KDM5A: variants seen among roughly 807,000 people sequenced by gnomAD.
The protein encoded by KDM5A is lysine demethylase 5A.
A neutral mutation model predicts 193.5 loss-of-function variants in KDM5A; 42 were observed. The ratio of observed to expected loss-of-function variants is 0.22; its 90% confidence interval spans 0.17 to 0.28. KDM5A has a LOEUF of 0.28. Ranked by LOEUF, KDM5A falls within the 10% of genes least tolerant of loss-of-function variation. The pLI, the probability that KDM5A is intolerant of heterozygous loss-of-function variation, is 1.00. For missense variants in KDM5A, 1,692 were observed against 2,055.1 expected (o/e 0.82, Z 3.42); for synonymous variants, 796 against 718.1 (o/e 1.11, Z -1.73).
At position 323,210 on chromosome 12, in the gene KDM5A, C is replaced by CAAAAAAAAAA. The variant is rs60377454; in HGVS notation, c.2151-14_2151-5dup. 2.8e-3 allele frequency: 817 copies of CAAAAAAAAAA among 297,026 alleles called. 50 individuals are homozygous for CAAAAAAAAAA. The highest frequency in any genetic ancestry group is 3.9e-3 in the East Asian group (47 of 12,190). The allele number at this position is 297,026 out of a possible 1,614,324, so 18.4% of individuals were successfully genotyped here. On this transcript the variant is annotated splice_region_variant and splice_polypyrimidine_tract_variant and intron_variant, in intron 15 of 27. Transcript: ENST00000399788. Reference sequence around the variant, plus strand: ...GTCTTCTAATGGGTAGCGATATCTACAAAAAAAAAAAAAAAAAAAAAAAAA... The same window carrying CAAAAAAAAAA: ...GTCTTCTAATGGGTAGCGATATCTACAAAAAAAAAAAAAAAAAAAAAAAAAAAAAAAAAAA...
At chr12:346,129 CT>C (rs758313114) in intron 10 of KDM5A, among the ~76,000 whole-genome samples, 2 of 152,144 alleles carry the variant, frequency 1.3e-5, no homozygotes, top group Non-Finnish European at 2.9e-5. Context: ...TCAGAGAATA[CT>C]ATAAACACCT....
In KDM5A at chr12:307,790, T is replaced by C. The variant is rs780989204; in HGVS notation, c.3594A>G (p.Lys1198=). 4 of 1,614,234 alleles carry C rather than the reference T, an allele frequency of 2.5e-6. No homozygotes were observed. The East Asian group carries it at 6.7e-5, about 27-fold the overall frequency. The change falls in exon 23 of 28, where the codon AAA becomes AAG. Residue 1198 remains lysine, a synonymous_variant. Transcript: ENST00000399788. The surrounding 1 kb of genome is among the most constrained non-coding windows in gnomAD (Gnocchi z 4.3). Reference sequence around the variant, plus strand: ...CTTTAGCTTGCCAGCTGGATCCTTTTTTTTGGGAACTTGATTTAGGAAGAG... The same window carrying C: ...CTTTAGCTTGCCAGCTGGATCCTTTCTTTTGGGAACTTGATTTAGGAAGAG... ...CVPLPKSSSQ[K]KGSSWQAKEV... is the part of the protein sequence containing the mutation.
chr12:356,393 C>A (rs1474908654), intron 6 of KDM5A, 39 bp downstream of exon 6: 1 of 1,210,378 alleles, frequency 8.3e-7, no homozygotes, highest in Non-Finnish European at 1.2e-6. Context: ...CAATCATATT[C>A]TACCTTATCT....
chr12:325,907 G>A (rs1449707534), intron 14 of KDM5A, among the ~76,000 whole-genome samples: 5 of 152,072 alleles, frequency 3.3e-5, no homozygotes, highest in African/African-American at 7.2e-5. Flanking sequence ...CCAGCTACCC[G>A]GGAGGCTAAG....
chr12:321,025 C>A lies in KDM5A; in HGVS notation c.2511G>T (p.Pro837=), dbSNP rs374040711. ...CTTGCCGAGCTTGGCTGATGACACA[C>A]GGAAGACTAAAAAGTTGTTGGACAA... ...KAFVQQLFSL[P]CVISQARQVK... Residue 837 remains proline, a synonymous_variant, in exon 18 of 28, where the codon CCG becomes CCT. Transcript: ENST00000399788. 3.7e-6 allele frequency: 6 copies of A among 1,613,894 alleles called. No homozygotes were observed. The African/African-American group carries it at 6.7e-5, about 18-fold the overall frequency.
Position 283,124 on chromosome 12 carries a change from T to C in KDM5A, c.*2332A>G, listed in dbSNP as rs1565520163. The C allele has an allele frequency of 4.3e-6, 1 of 231,084 alleles. No individual in the cohort carries two copies. The highest frequency in any genetic ancestry group is 5.6e-5 in the Admixed American group (1 of 17,728). The allele number at this position is 231,084 out of a possible 1,614,324, so 14.3% of individuals were successfully genotyped here. On this transcript the variant is annotated 3_prime_UTR_variant, in exon 28 of 28. Coordinates refer to ENST00000399788, the MANE Select transcript of KDM5A (RefSeq NM_001042603.3). ...TCTCCACTGATAGTGGAATAGTTAA[T>C]GGATGATTAGGAAGGAAAAATAAAA...
Position 283,438 on chromosome 12 carries a change from G to C in KDM5A, c.*2018C>G, listed in dbSNP as rs1459140744. ...TGCACAGCAACACTAACAAACCTCT[G>C]AACAAGTCAAAACACTCAAAATGTT... On this transcript the variant is annotated 3_prime_UTR_variant, in exon 28 of 28. Coordinates refer to ENST00000399788, the MANE Select transcript of KDM5A (RefSeq NM_001042603.3). 12 of 232,742 alleles carry C rather than the reference G, an allele frequency of 5.2e-5. No homozygotes were observed. The highest frequency in any genetic ancestry group is 2.6e-5 in the Non-Finnish European group (3 of 117,608). 14.4% of individuals were successfully genotyped at this position (232,742 alleles called of 1,614,324 possible).
intron 24 of KDM5A, among the ~76,000 whole-genome samples, chr12:302,619 T>G (rs1442677950): frequency 1.3e-5 from 2 of 152,166 alleles, no homozygotes; most frequent in Non-Finnish European, 1.5e-5. Flanking sequence ...GGGCAAAGAC[T>G]TCATGACTAC....
At chr12:377,375 T>C (rs763650610) in intron 3 of KDM5A, among the ~76,000 whole-genome samples, 6 of 151,886 alleles carry the variant, frequency 4.0e-5, no homozygotes, top group Non-Finnish European at 8.8e-5. Flanking sequence ...AGTTATCAGA[T>C]TAGAAAGGTT....
chr12:342,654 G>T (rs1056321549), intron 10 of KDM5A, among the ~76,000 whole-genome samples: 3 of 151,828 alleles, frequency 2.0e-5, no homozygotes, highest in Admixed American at 1.3e-4. Context: ...TAGAGACAGG[G>T]TTTCACCATG....
chr12:302,653 A>G (rs1241601457), intron 24 of KDM5A, among the ~76,000 whole-genome samples: 1 of 152,252 alleles, frequency 6.6e-6, no homozygotes, highest in Non-Finnish European at 1.5e-5. Context: ...ATGGCAAAAA[A>G]GGCAAAATAG....
intron 20 of KDM5A, among the ~76,000 whole-genome samples, chr12:311,594 GACA>G (rs1376064366): frequency 6.6e-6 from 1 of 152,100 alleles, no homozygotes; most frequent in Non-Finnish European, 1.5e-5. Context: ...GACATTCGAA[GACA>G]ACAACTACTG....
intron 24 of KDM5A, 21 bp from the exon 25 acceptor site, chr12:297,221 A>G (rs1943385370): frequency 2.5e-6 from 4 of 1,612,842 alleles, no homozygotes; most frequent in Non-Finnish European, 3.4e-6. Context: ...AACAAAGAGA[A>G]GTATTCAGAA....
chr12:316,100 A>C (rs1180486203), intron 19 of KDM5A, among the ~76,000 whole-genome samples: 1 of 152,232 alleles, frequency 6.6e-6, no homozygotes, highest in Non-Finnish European at 1.5e-5. Context: ...CAAGAAAATA[A>C]TGGTAAGTAG....
At chr12:384,460 T>C (rs1361651529) in intron 2 of KDM5A, among the ~76,000 whole-genome samples, 2 of 152,302 alleles carry the variant, frequency 1.3e-5, no homozygotes, top group East Asian at 3.9e-4. Context: ...CATCCATCCA[T>C]GGATAAACTG....
intron 22 of KDM5A, among the ~76,000 whole-genome samples, chr12:309,413 CTT>C (rs1245322238): frequency 6.6e-6 from 1 of 152,218 alleles, no homozygotes; most frequent in Non-Finnish European, 1.5e-5. Context: ...GCTGCAGGAA[CTT>C]AACTCTTGTT....
rs143974546 is a variant in KDM5A, at chr12:355,366, G to A, written c.779-117C>T. On this transcript the variant is annotated intron_variant, in intron 6 of 27. Coordinates refer to ENST00000399788, the MANE Select transcript of KDM5A (RefSeq NM_001042603.3). Reference sequence around the variant, plus strand: ...AAATCTTACAACTGTTTATCTAGAGGTAGATATACTATTTATTATCTCTCA... The same window carrying A: ...AAATCTTACAACTGTTTATCTAGAGATAGATATACTATTTATTATCTCTCA... 8.9e-4 allele frequency: 624 copies of A among 703,092 alleles called. 6 individuals carry two copies. The African/African-American group carries it at 9.9e-3, about 11-fold the overall frequency. The allele number at this position is 703,092 out of a possible 1,614,324, so 43.6% of individuals were successfully genotyped here.
intron 10 of KDM5A, among the ~76,000 whole-genome samples, chr12:341,889 A>G (rs1251117702): frequency 6.7e-6 from 1 of 148,932 alleles, no homozygotes; most frequent in Non-Finnish European, 1.5e-5. Flanking sequence ...ACAGGGCAAG[A>G]CTCTGTCTCC....
chr12:365,892 C>A (rs758818854), intron 4 of KDM5A, 42 bp downstream of exon 4: 1 of 1,603,820 alleles, frequency 6.2e-7, no homozygotes, highest in South Asian at 1.1e-5. Flanking sequence ...CTTGGGCAAA[C>A]TGGATTTATC....
Sources: allele counts gnomAD v4.1 joint callset (sites outside exome capture counted in the v4.1 genomes callset), GRCh38; gene constraint gnomAD v4.1.1; non-coding constraint Gnocchi (gnomAD v3.1); transcripts MANE v1.5; gene names NCBI Gene and HGNC (gene_info 2026-07-23, HGNC 2026-07-21).